CSMD1: variants seen among roughly 807,000 people sequenced by gnomAD.
CSMD1 encodes CUB and Sushi multiple domains 1, also known as CUB and sushi domain-containing protein 1.
Under a neutral mutation model 417.5 loss-of-function variants are expected in CSMD1, and 213 were observed. That is an observed-to-expected ratio of 0.51 (90% CI 0.46 to 0.57). CSMD1 has a LOEUF of 0.57. CSMD1 is among the 20% of genes least tolerant of loss of function. The pLI, the probability that CSMD1 is intolerant of heterozygous loss-of-function variation, is 0.00. For missense variants in CSMD1, 6,923 were observed against 4,529.7 expected (o/e 1.53, Z -15.17); for synonymous variants, 2,862 against 1,736.8 (o/e 1.65, Z -16.11).
intron 1 of CSMD1, among the ~76,000 whole-genome samples, chr8:4,826,332 T>G (rs1298471101): frequency 1.3e-5 from 2 of 152,110 alleles, no homozygotes; most frequent in African/African-American, 4.8e-5. Context: ...TATATATACA[T>G]ATAATACATA....
Position 3,337,034 on chromosome 8 carries a change from T to G in CSMD1, c.3631+6260A>C, listed in dbSNP as rs548672826. On this transcript the variant is annotated intron_variant, in intron 23 of 69. Transcript: ENST00000635120. ...GGGTGTGTCCTGTGAACTGTAACTT[T>G]CTGGGGAGGCTGGAGCTGGGGTTGG... Among the ~76,000 whole-genome samples, 9 of 152,190 alleles carry G rather than the reference T, an allele frequency of 5.9e-5. No individual in the cohort carries two copies. In the South Asian group the frequency reaches 1.7e-3, roughly 28 times the overall value.
chr8:4,077,323 G>GTATATATAT (rs1563092916), intron 3 of CSMD1, among the ~76,000 whole-genome samples: 1 of 96,432 alleles, frequency 1.0e-5, no homozygotes, highest in African/African-American at 4.0e-5. Context: ...ATATATATAT[G>GTATATATAT]GTAGACATAT....
intron 25 of CSMD1, among the ~76,000 whole-genome samples, chr8:3,302,048 G>C (rs1804451909): frequency 6.6e-6 from 1 of 152,046 alleles, no homozygotes; most frequent in African/African-American, 2.4e-5. Context: ...ATTGGATATT[G>C]AGGGAGGAGA....
chr8:4,628,289 A>C (rs886645504), intron 2 of CSMD1, among the ~76,000 whole-genome samples: 8 of 150,940 alleles, frequency 5.3e-5, no homozygotes, highest in Non-Finnish European at 1.0e-4. Flanking sequence ...TTTTAACTTA[A>C]TTTGTCATTT....
chr8:4,202,959 A>T (rs540307431), intron 3 of CSMD1, among the ~76,000 whole-genome samples: 2 of 152,194 alleles, frequency 1.3e-5, no homozygotes, highest in South Asian at 4.2e-4. Flanking sequence ...CAGTTGTGGG[A>T]GGAGAACGAT....
chr8:4,532,473 T>A (rs1420790466), intron 2 of CSMD1, among the ~76,000 whole-genome samples: 2 of 131,072 alleles, frequency 1.5e-5, no homozygotes, highest in Non-Finnish European at 3.2e-5. Flanking sequence ...GCACCCCCAT[T>A]CACAGTCACT....
chr8:4,045,074 G>C (rs567308263), intron 3 of CSMD1, among the ~76,000 whole-genome samples: 1 of 152,278 alleles, frequency 6.6e-6, no homozygotes, highest in African/African-American at 2.4e-5. Flanking sequence ...CTGAGGTATG[G>C]TGTGGAGGCC....
chr8:4,956,565 A>G (rs974719373), intron 1 of CSMD1, among the ~76,000 whole-genome samples: 3 of 150,148 alleles, frequency 2.0e-5, no homozygotes, highest in African/African-American at 7.3e-5. Context: ...AACATATAAT[A>G]TATTTAAAAT....
chr8:4,149,184 G>A (rs554899719), intron 3 of CSMD1, among the ~76,000 whole-genome samples: 22 of 152,032 alleles, frequency 1.4e-4, no homozygotes, highest in East Asian at 5.8e-4. Context: ...GGCTGGTCTC[G>A]AACTCCTGAC....
At chr8:3,036,547 A>C (rs1336998188) in intron 50 of CSMD1, among the ~76,000 whole-genome samples, 1 of 152,184 alleles carries the variant, frequency 6.6e-6, no homozygotes, top group African/African-American at 2.4e-5. Flanking sequence ...TGTTCCTCAT[A>C]CACACAACTA....
intron 1 of CSMD1, among the ~76,000 whole-genome samples, chr8:4,659,022 G>A (rs1585406281): frequency 1.3e-5 from 2 of 152,192 alleles, no homozygotes; most frequent in South Asian, 4.2e-4. Flanking sequence ...AAATGAGAGG[G>A]AAGTCAAAAT....
intron 4 of CSMD1, among the ~76,000 whole-genome samples, chr8:4,005,557 T>A (rs1361608430): frequency 6.6e-6 from 1 of 152,226 alleles, no homozygotes; most frequent in African/African-American, 2.4e-5. Context: ...TTTTCTGAAT[T>A]GTCTTTTATT....
intron 5 of CSMD1, among the ~76,000 whole-genome samples, chr8:3,945,616 G>T (rs763711533): frequency 3.3e-5 from 5 of 152,072 alleles, no homozygotes; most frequent in African/African-American, 4.8e-5. Context: ...GCAAACTAAT[G>T]TACTGGTTAA....
In CSMD1 at chr8:3,409,409, G is replaced by A. The variant is rs774051403; in HGVS notation, c.1744+14C>T. 4.4e-6 allele frequency: 7 copies of A among 1,599,910 alleles called. No individual in the cohort carries two copies. The highest frequency in any genetic ancestry group is 6.0e-6 in the Non-Finnish European group (7 of 1,172,484). On this transcript the variant is annotated intron_variant, in intron 13 of 69. Transcript: ENST00000635120. ...CAGGACAGGAGGGAGTCCAGGTCAA[G>A]GCATAATACTCACATACACAGCTGG...
At chr8:3,563,271 C>G (rs1799550699) in intron 10 of CSMD1, among the ~76,000 whole-genome samples, 1 of 151,902 alleles carries the variant, frequency 6.6e-6, no homozygotes, top group South Asian at 2.1e-4. Flanking sequence ...TTTTCTCACA[C>G]TCCTTCCCAG....
At chr8:4,235,800 A>C (rs1038959598) in intron 3 of CSMD1, among the ~76,000 whole-genome samples, 2 of 152,062 alleles carry the variant, frequency 1.3e-5, no homozygotes, top group Non-Finnish European at 2.9e-5. Context: ...TCTTTGAAAC[A>C]TTTGTTTTTG....
intron 5 of CSMD1, among the ~76,000 whole-genome samples, chr8:3,939,202 C>T (rs566212486): frequency 6.6e-6 from 1 of 152,084 alleles, no homozygotes; most frequent in African/African-American, 2.4e-5. Flanking sequence ...GAACCCAACA[C>T]AAAAGTAATT....
chr8:3,665,259 A>G (rs1798626502), intron 7 of CSMD1, among the ~76,000 whole-genome samples: 1 of 152,146 alleles, frequency 6.6e-6, no homozygotes, highest in South Asian at 2.1e-4. Flanking sequence ...AGTGGCTCAC[A>G]TCTGTAATTC....
intron 55 of CSMD1, among the ~76,000 whole-genome samples, chr8:2,975,908 G>C (rs1467476888): frequency 6.6e-6 from 1 of 152,112 alleles, no homozygotes; most frequent in Non-Finnish European, 1.5e-5. Context: ...AGGAACATCA[G>C]CATCAGTACA....
Sources: gnomAD v4.1 joint callset for allele counts (sites outside exome capture counted in the v4.1 genomes callset) on GRCh38, gnomAD v4.1.1 for gene constraint, MANE v1.5 for transcripts, NCBI Gene and HGNC (gene_info 2026-07-23, HGNC 2026-07-21) for gene names.